Variants in DGCR2 observed in about 807,000 individuals in gnomAD.
The protein encoded by DGCR2 is DiGeorge syndrome critical region gene 2, also known as integral membrane protein DGCR2/IDD.
A neutral mutation model predicts 51.6 loss-of-function variants in DGCR2; 24 were observed. That is an observed-to-expected ratio of 0.47 (90% CI 0.34 to 0.65). The LOEUF (loss-of-function observed/expected upper bound fraction) is 0.65. Among genes scored for constraint, DGCR2 ranks in the 30% least tolerant of loss-of-function variants. The pLI, the probability that DGCR2 is intolerant of heterozygous loss-of-function variation, is 0.01. For missense variants in DGCR2, 765 were observed against 772.1 expected (o/e 0.99, Z 0.11); for synonymous variants, 340 against 315.4 (o/e 1.08, Z -0.82).
intron 1 of DGCR2, among the ~76,000 whole-genome samples, chr22:19,090,467 C>A (rs1362489780): frequency 6.6e-6 from 1 of 152,190 alleles, no homozygotes; most frequent in Non-Finnish European, 1.5e-5. Flanking sequence ...ATCTAGATGA[C>A]AGCAGATTTC....
intron 1 of DGCR2, among the ~76,000 whole-genome samples, chr22:19,108,337 G>A (rs2083279767): frequency 6.6e-6 from 1 of 152,178 alleles, no homozygotes; most frequent in Admixed American, 6.5e-5. Flanking sequence ...TTGGAAAGCT[G>A]AGACAGGAGG....
chr22:19,040,889 G>A (rs2082423007), intron 9 of DGCR2, among the ~76,000 whole-genome samples, 169 bp downstream of exon 9: 1 of 152,214 alleles, frequency 6.6e-6, no homozygotes, highest in Admixed American at 6.5e-5. Context: ...GGGAGATCAG[G>A]ACCCCTTCTG....
chr22:19,083,372 G>A (rs921758946), intron 2 of DGCR2, among the ~76,000 whole-genome samples: 2 of 152,126 alleles, frequency 1.3e-5, no homozygotes, highest in Non-Finnish European at 2.9e-5. Context: ...ATCTTGATAC[G>A]GGCAAGGCAA....
At chr22:19,049,284 G>A (rs1239928307) in intron 6 of DGCR2, among the ~76,000 whole-genome samples, 4 of 152,108 alleles carry the variant, frequency 2.6e-5, no homozygotes, top group African/African-American at 9.7e-5. Flanking sequence ...GGCACACTCT[G>A]CACAGAGCTG....
intron 1 of DGCR2, among the ~76,000 whole-genome samples, chr22:19,116,389 G>A (rs141900738): frequency 6.3e-4 from 96 of 152,344 alleles, no homozygotes; most frequent in African/African-American, 2.3e-3. Flanking sequence ...AGATGGACTG[G>A]CTTTGACTAA....
In DGCR2 at chr22:19,061,159, C is replaced by T. The variant is rs573429828; in HGVS notation, c.625+2043G>A. ...TTGGGTATTTTTGGGGGGGCCAACACCTCAGACCCCAATGACCCCTCTGCT... is the reference window on the plus strand; with the variant it reads ...TTGGGTATTTTTGGGGGGGCCAACATCTCAGACCCCAATGACCCCTCTGCT... On this transcript the variant is annotated intron_variant, in intron 5 of 9. Coordinates refer to ENST00000263196, the MANE Select transcript of DGCR2 (RefSeq NM_005137.3). 2.1e-4 allele frequency: 49 copies of T among 232,640 alleles called. 2 individuals carry two copies. Among genetic ancestry groups the T allele is most frequent in the African/African-American group, 1.1e-3 (49 of 42,854 alleles). 14.4% of individuals were successfully genotyped at this position (232,640 alleles called of 1,614,324 possible). A position where few individuals can be genotyped will look rare whatever the true frequency, so the allele number is the denominator to read the frequency against.
chr22:19,076,903 G>C (rs1321046747), intron 2 of DGCR2, among the ~76,000 whole-genome samples: 1 of 151,050 alleles, frequency 6.6e-6, no homozygotes, highest in Non-Finnish European at 1.5e-5. Flanking sequence ...CTAATTTTTT[G>C]TGTTTTTTAG....
At chr22:19,086,366 C>T (rs2146007173) in intron 2 of DGCR2, among the ~76,000 whole-genome samples, 1 of 152,154 alleles carries the variant, frequency 6.6e-6, no homozygotes, top group South Asian at 2.1e-4. Flanking sequence ...GTAATCCCAG[C>T]TACTCAGGAG....
intron 2 of DGCR2, among the ~76,000 whole-genome samples, chr22:19,083,989 C>CG (rs1050047536): frequency 1.3e-5 from 2 of 152,164 alleles, no homozygotes; most frequent in African/African-American, 4.8e-5. Context: ...CCCGAGGTGC[C>CG]GGGATTGCAG....
intron 2 of DGCR2, among the ~76,000 whole-genome samples, chr22:19,068,818 G>C (rs957624800): frequency 6.6e-6 from 1 of 152,278 alleles, no homozygotes; most frequent in Non-Finnish European, 1.5e-5. Flanking sequence ...GCAGGTCTCA[G>C]TGCATGGCTA....
chr22:19,074,852 G>C (rs917817522), intron 2 of DGCR2, among the ~76,000 whole-genome samples: 5 of 152,112 alleles, frequency 3.3e-5, no homozygotes, highest in Admixed American at 2.6e-4. Context: ...CTACTGCTCT[G>C]ATTCCTGATC....
rs528212067 is a variant in DGCR2 at position 19,122,043 on chromosome 22, G to T, written c.79+85C>A. ...GCCCCAGGCGCGGCCCCTGCAGGAG[G>T]GCGCCGCGGGTGAAAGGAGGTCCCG... is the stretch of plus-strand genomic sequence containing the variant. On this transcript the variant is annotated intron_variant, in intron 1 of 9. Transcript: ENST00000263196. The T allele has an allele frequency of 6.6e-6, 7 of 1,065,850 alleles. No individual in the cohort carries two copies. The African/African-American group carries it at 1.0e-4, about 15-fold the overall frequency. 66.0% of individuals were successfully genotyped at this position (1,065,850 alleles called of 1,614,324 possible). A position where few individuals can be genotyped will look rare whatever the true frequency, so the allele number is the denominator to read the frequency against.
At chr22:19,092,987 AAAGAAGAG>A (rs1036221780) in intron 1 of DGCR2, among the ~76,000 whole-genome samples, 1 of 122,326 alleles carries the variant, frequency 8.2e-6, no homozygotes, top group African/African-American at 3.5e-5. Context: ...GAGGAGGAAG[AAAGAAGAG>A]AAGAAGGAGG....
At chr22:19,081,409 C>T (rs960265489) in intron 2 of DGCR2, among the ~76,000 whole-genome samples, 2 of 152,164 alleles carry the variant, frequency 1.3e-5, no homozygotes, top group African/African-American at 4.8e-5. Flanking sequence ...TGCCATATGT[C>T]GTTTTTAGCA....
chr22:19,083,750 G>C (rs112351859), intron 2 of DGCR2, among the ~76,000 whole-genome samples: 3,943 of 117,740 alleles, frequency 0.033, 91 homozygotes, highest in South Asian at 0.081. Context: ...CTCTTTCCAC[G>C]GTCTCCCTCT....
Position 19,122,388 on chromosome 22 carries a change from C to T in DGCR2, c.-182G>A, listed in dbSNP as rs377604296. On this transcript the variant is annotated 5_prime_UTR_variant, in exon 1 of 10. Coordinates refer to ENST00000263196, the MANE Select transcript of DGCR2 (RefSeq NM_005137.3). ...GCACACTCTCGGCTGCAACCTCAGG[C>T]ACCGACTCCAGCTGCGCGCAAGATG... is the stretch of plus-strand genomic sequence containing the variant. 117 of 454,434 alleles carry T rather than the reference C, an allele frequency of 2.6e-4. 1 individual carries two copies. The East Asian group carries it at 3.7e-3, about 14-fold the overall frequency. The allele number at this position is 454,434 out of a possible 1,614,324, so 28.2% of individuals were successfully genotyped here.
chr22:19,098,254 A>C (rs1197742897), intron 1 of DGCR2, among the ~76,000 whole-genome samples: 1 of 151,640 alleles, frequency 6.6e-6, no homozygotes, highest in Non-Finnish European at 1.5e-5. Flanking sequence ...AAACTCCCCT[A>C]ACTGAGTCGG....
At chr22:19,110,972 A>G (rs976600474) in intron 1 of DGCR2, among the ~76,000 whole-genome samples, 12 of 152,202 alleles carry the variant, frequency 7.9e-5, no homozygotes, top group Non-Finnish European at 1.2e-4. Flanking sequence ...TTTTAGATCT[A>G]TTTTTTCTGT....
At chr22:19,121,018 G>A (rs1172384710) in intron 1 of DGCR2, among the ~76,000 whole-genome samples, 2 of 152,206 alleles carry the variant, frequency 1.3e-5, no homozygotes, top group Non-Finnish European at 2.9e-5. Context: ...CACTAGGGAG[G>A]AGGCAGACAT....
Sources: allele counts gnomAD v4.1 joint callset (sites outside exome capture counted in the v4.1 genomes callset), GRCh38; gene constraint gnomAD v4.1.1; transcripts MANE v1.5; gene names NCBI Gene and HGNC (gene_info 2026-07-23, HGNC 2026-07-21).